The following PARD3B variants were observed in gnomAD, a reference collection of about 807,000 sequenced individuals.
PARD3B encodes partitioning defective 3 homolog B.
PARD3B carries 103 observed loss-of-function variants against 130.2 expected under a neutral mutation model. The ratio of observed to expected loss-of-function variants is 0.79; its 90% CI spans 0.67 to 0.93. The LOEUF is 0.93. Ranked by LOEUF, PARD3B falls within the 40% of genes least tolerant of loss-of-function variation. The pLI is 0.00. For synonymous variants in PARD3B, 583 were observed against 553.2 expected, an observed-to-expected ratio of 1.05 and a Z score of -0.76; for missense variants, 1,609 against 1,499.2, an observed-to-expected ratio of 1.07 and a Z score of -1.21.
Position 205,078,123 on chromosome 2 carries a change from T to A in PARD3B, c.505-26303T>A, listed in dbSNP as rs907995352. On this transcript the variant is annotated intron_variant, in intron 4 of 22. Coordinates refer to ENST00000406610, the MANE Select transcript of PARD3B (RefSeq NM_001302769.2). This position sits in a 1 kb window ranked among gnomAD's most constrained non-coding sequence, Gnocchi z 4.0. ...ATGCATGGCTTTCCAAAAAGGTGAT[T>A]TATGTAATTAAGAGTGAGATATAGT... 3.9e-5 allele frequency among the ~76,000 whole-genome samples: 6 copies of A among 152,198 alleles called. No homozygotes were observed. The highest frequency in any genetic ancestry group is 4.4e-5 in the Non-Finnish European group (3 of 68,016).
In PARD3B at chr2:205,107,058, C is replaced by G. The variant is rs550541202; in HGVS notation, c.593+2544C>G. Among the ~76,000 whole-genome samples the G allele has an allele frequency of 2.6e-5, 4 of 152,256 alleles. No homozygotes were observed. In the South Asian group the frequency reaches 8.3e-4, roughly 32 times the overall value. ...TGGCCCATGCATAGGACTTTGGGCA[C>G]GCATCCACGTAGAAGCTAAGTAAAT... On this transcript the variant is annotated intron_variant, in intron 5 of 22. Coordinates refer to ENST00000406610, the MANE Select transcript of PARD3B (RefSeq NM_001302769.2).
At chr2:205,318,999 C>T (rs894145715) in intron 18 of PARD3B, among the ~76,000 whole-genome samples, 3 of 152,162 alleles carry the variant, frequency 2.0e-5, no homozygotes, top group Non-Finnish European at 2.9e-5. Context: ...TCAGTACCTC[C>T]GCCTTTGCCA....
chr2:205,069,510 G>T (rs574215327), intron 4 of PARD3B, among the ~76,000 whole-genome samples: 41 of 151,730 alleles, frequency 2.7e-4, no homozygotes, highest in African/African-American at 9.4e-4. Flanking sequence ...TTTTCTCTTT[G>T]TTTCAAATCT....
chr2:205,520,790 TC>T (rs1353912174), intron 21 of PARD3B, among the ~76,000 whole-genome samples: 7 of 152,078 alleles, frequency 4.6e-5, no homozygotes, highest in Admixed American at 1.3e-4. Flanking sequence ...TTTGAAAATT[TC>T]TCATGACATT....
chr2:204,546,164 C>T (rs1355814292), intron 1 of PARD3B, 45 bp downstream of exon 1: 2 of 1,548,078 alleles, frequency 1.3e-6, no homozygotes, highest in Non-Finnish European at 1.7e-6. Context: ...AGCCAAGGCA[C>T]CTGCCAGGTG....
At chr2:204,654,388 T>C (rs2035579489) in intron 1 of PARD3B, among the ~76,000 whole-genome samples, 1 of 150,924 alleles carries the variant, frequency 6.6e-6, no homozygotes, top group South Asian at 2.1e-4. Context: ...TAGTTGCTTC[T>C]ATTCCCGTGT....
At chr2:205,083,147 C>T (rs1020513995) in intron 4 of PARD3B, among the ~76,000 whole-genome samples, 1 of 151,922 alleles carries the variant, frequency 6.6e-6, no homozygotes, top group Non-Finnish European at 1.5e-5. Context: ...TCTCGAACTC[C>T]TGACCTCATG....
intron 2 of PARD3B, among the ~76,000 whole-genome samples, chr2:204,963,691 T>C (rs1241074215): frequency 6.6e-6 from 1 of 152,360 alleles, no homozygotes; most frequent in African/African-American, 2.4e-5. Flanking sequence ...GATATCGTTC[T>C]ACTGATTTTT....
At chr2:204,635,852 T>A (rs1274255254) in intron 1 of PARD3B, among the ~76,000 whole-genome samples, 10 of 152,230 alleles carry the variant, frequency 6.6e-5, no homozygotes, top group Admixed American at 6.5e-4. Flanking sequence ...CATTTCCCCA[T>A]CTTATTAAAA....
chr2:205,233,981 A>G (rs904152993), intron 15 of PARD3B, among the ~76,000 whole-genome samples: 1 of 152,234 alleles, frequency 6.6e-6, no homozygotes, highest in African/African-American at 2.4e-5. Flanking sequence ...GATATACATA[A>G]TAACAAAAGA....
intron 1 of PARD3B, among the ~76,000 whole-genome samples, chr2:204,570,706 C>T (rs971834952): frequency 1.0e-4 from 15 of 150,484 alleles, no homozygotes; most frequent in African/African-American, 3.6e-4. Context: ...GCTGTTGTAA[C>T]TGAGGTGTAT....
intron 20 of PARD3B, among the ~76,000 whole-genome samples, chr2:205,485,677 T>A (rs1295815212): frequency 1.3e-5 from 2 of 152,166 alleles, no homozygotes; most frequent in Non-Finnish European, 2.9e-5. Context: ...GAAAGATTGG[T>A]GGATGGGGCT....
intron 2 of PARD3B, among the ~76,000 whole-genome samples, chr2:204,740,272 T>G (rs1445940575): frequency 6.6e-6 from 1 of 152,124 alleles, no homozygotes; most frequent in Non-Finnish European, 1.5e-5. Flanking sequence ...TCTGCCTGCC[T>G]TGGCCTCCCA....
At chr2:204,944,935 A>G (rs1415157437) in intron 2 of PARD3B, among the ~76,000 whole-genome samples, 2 of 152,238 alleles carry the variant, frequency 1.3e-5, no homozygotes, top group Non-Finnish European at 1.5e-5. Flanking sequence ...CACAAAGTGC[A>G]TTTGTCAGAT....
At chr2:205,544,654 T>C (rs1244336916) in intron 21 of PARD3B, among the ~76,000 whole-genome samples, 2 of 152,198 alleles carry the variant, frequency 1.3e-5, no homozygotes, top group African/African-American at 2.4e-5. Flanking sequence ...CCAGTGTACA[T>C]GCAGCTAGTA....
chr2:205,532,604 A>G (rs1213636898), intron 21 of PARD3B, among the ~76,000 whole-genome samples: 4 of 152,190 alleles, frequency 2.6e-5, no homozygotes, highest in African/African-American at 9.6e-5. Flanking sequence ...ATTATACACA[A>G]TGAAACTATT....
Position 204,742,564 on chromosome 2 carries a change from A to G in PARD3B, c.222+56282A>G, listed in dbSNP as rs150359824. Among the ~76,000 whole-genome samples the G allele has an allele frequency of 2.0e-4, 30 of 152,268 alleles. No homozygotes were observed. In the East Asian group the frequency reaches 3.9e-3, roughly 20 times the overall value. ...GAGCAAAAGCTGTTGCTCTGTCTATATGGTTTTAACCAGGGTTGTTTTATT... is the reference window on the plus strand; with the variant it reads ...GAGCAAAAGCTGTTGCTCTGTCTATGTGGTTTTAACCAGGGTTGTTTTATT... On this transcript the variant is annotated intron_variant, in intron 2 of 22. Transcript: ENST00000406610.
In PARD3B at chr2:205,078,824, A is replaced by T. The variant is rs1365654714; in HGVS notation, c.505-25602A>T. ...GGGACAAGCCAGATGCCATGTAAGA[A>T]AGTCCATTTCTCTGAGTCCACTTTG... On this transcript the variant is annotated intron_variant, in intron 4 of 22. Coordinates refer to ENST00000406610, the MANE Select transcript of PARD3B (RefSeq NM_001302769.2). This position sits in a 1 kb window ranked among gnomAD's most constrained non-coding sequence, Gnocchi z 4.0. Among the ~76,000 whole-genome samples the T allele has an allele frequency of 6.6e-6, 1 of 152,210 alleles. No individual in the cohort carries two copies. Among genetic ancestry groups the T allele is most frequent in the Non-Finnish European group, 1.5e-5 (1 of 68,044 alleles).
At chr2:205,245,356 G>T (rs2039525908) in intron 15 of PARD3B, among the ~76,000 whole-genome samples, 1 of 151,922 alleles carries the variant, frequency 6.6e-6, no homozygotes, top group South Asian at 2.1e-4. Flanking sequence ...ACTCTATTTT[G>T]ACTAGATAAC....
Sources: allele counts gnomAD v4.1 joint callset (sites outside exome capture counted in the v4.1 genomes callset), GRCh38; gene constraint gnomAD v4.1.1; non-coding constraint Gnocchi (gnomAD v3.1); transcripts MANE v1.5; gene names NCBI Gene and HGNC (gene_info 2026-07-23, HGNC 2026-07-21).